Variants in DOP1B observed in about 807,000 individuals in gnomAD.
DOP1B encodes protein DOP1B.
A neutral mutation model predicts 233.5 loss-of-function variants in DOP1B; 174 were observed. The ratio of observed to expected loss-of-function variants is 0.75; its 90% CI spans 0.66 to 0.85. The LOEUF (loss-of-function observed/expected upper bound fraction) is 0.85, where lower values mean the gene tolerates loss of function less well. Ranked by LOEUF, DOP1B falls within the 40% of genes least tolerant of loss-of-function variation. DOP1B has a pLI of 0.00. For synonymous variants in DOP1B, 1,190 were observed against 1,185.6 expected, an observed-to-expected ratio of 1.00 and a Z score of -0.08; for missense variants, 2,652 against 2,846.6, an observed-to-expected ratio of 0.93 and a Z score of 1.56.
intron 33 of DOP1B, 119 bp downstream of exon 33, chr21:36,288,269 G>A: frequency 9.8e-7 from 1 of 1,017,724 alleles, no homozygotes; most frequent in South Asian, 1.7e-5. Context: ...TTTTAATCAG[G>A]TTGGTAGCAC....
At chr21:36,235,578 A>G (rs1387605968) in intron 15 of DOP1B, among the ~76,000 whole-genome samples, 1 of 151,900 alleles carries the variant, frequency 6.6e-6, no homozygotes, top group Non-Finnish European at 1.5e-5. Context: ...AAATACAAAA[A>G]TTAACCTGGC....
At chr21:36,241,693 C>CTTTTTTTTT (rs58454212) in intron 18 of DOP1B, among the ~76,000 whole-genome samples, 242 of 105,498 alleles carry the variant, frequency 2.3e-3, no homozygotes, top group Non-Finnish European at 2.8e-3. Context: ...TTCTTTCTTT[C>CTTTTTTTTT]TTTTTTTTTT....
chr21:36,238,746 C>G (rs1365333779), intron 17 of DOP1B, 45 bp downstream of exon 17: 1 of 1,595,010 alleles, frequency 6.3e-7, no homozygotes, highest in Non-Finnish European at 8.6e-7. Context: ...CACGAGGAAA[C>G]TCCACAGAGG....
chr21:36,203,031 A>C (rs1195846616), intron 4 of DOP1B, among the ~76,000 whole-genome samples: 1 of 152,218 alleles, frequency 6.6e-6, no homozygotes, highest in Non-Finnish European at 1.5e-5. Context: ...GATCTTTTAA[A>C]TCTGTGTGAA....
intron 27 of DOP1B, among the ~76,000 whole-genome samples, chr21:36,272,984 C>CAAAA (rs1167312513): frequency 1.4e-4 from 8 of 56,926 alleles, no homozygotes; most frequent in Admixed American, 2.5e-4. Flanking sequence ...AACTCCATCT[C>CAAAA]AAAAAAAAAA....
chr21:36,165,802 A>C (rs1601373253), intron 2 of DOP1B, among the ~76,000 whole-genome samples: 1 of 142,292 alleles, frequency 7.0e-6, no homozygotes, highest in Non-Finnish European at 1.5e-5. Flanking sequence ...TGCAACCTCC[A>C]CCTCCCAGGT....
intron 24 of DOP1B, 103 bp downstream of exon 24, chr21:36,260,835 C>A (rs935368909): frequency 9.0e-6 from 14 of 1,560,180 alleles, no homozygotes; most frequent in Non-Finnish European, 1.2e-5. Context: ...TACTAGAGAG[C>A]CATTGTTCAG....
At chr21:36,249,642 A>G (rs2067010602) in intron 21 of DOP1B, among the ~76,000 whole-genome samples, 1 of 118,826 alleles carries the variant, frequency 8.4e-6, no homozygotes, top group African/African-American at 3.2e-5. Context: ...GTGAATATTT[A>G]TATTATAGTT....
chr21:36,273,223 A>G (rs1387704591), intron 27 of DOP1B, among the ~76,000 whole-genome samples: 1 of 151,960 alleles, frequency 6.6e-6, no homozygotes, highest in Admixed American at 6.6e-5. Context: ...CCTGGCCAGC[A>G]TGATGAAACC....
At chr21:36,269,155 T>G (rs1373533783) in intron 26 of DOP1B, among the ~76,000 whole-genome samples, 1 of 152,164 alleles carries the variant, frequency 6.6e-6, no homozygotes, top group Non-Finnish European at 1.5e-5. Flanking sequence ...TAATAGGTTG[T>G]TTTTGTTTTT....
chr21:36,173,914 T>A (rs1276233178), intron 2 of DOP1B, among the ~76,000 whole-genome samples: 3 of 152,110 alleles, frequency 2.0e-5, no homozygotes, highest in African/African-American at 7.2e-5. Flanking sequence ...CAGTTTTTTT[T>A]GTTTTTTGTT....
chr21:36,200,598 C>T, intron 4 of DOP1B, 97 bp downstream of exon 4: 1 of 1,415,960 alleles, frequency 7.1e-7, no homozygotes, highest in Non-Finnish European at 9.3e-7. Context: ...AATCCCAGCA[C>T]TTTGGAAGGC....
At chr21:36,221,353 G>A (rs2066620311) in intron 10 of DOP1B, among the ~76,000 whole-genome samples, 1 of 151,720 alleles carries the variant, frequency 6.6e-6, no homozygotes, top group African/African-American at 2.4e-5. Flanking sequence ...AGGTTAGCCG[G>A]GTGTGGTGGG....
chr21:36,164,681 T>G, intron 1 of DOP1B, 27 bp from the exon 2 acceptor site: 1 of 1,502,930 alleles, frequency 6.7e-7, no homozygotes, highest in Non-Finnish European at 8.9e-7. Flanking sequence ...GGCTCTCTCA[T>G]TTGGTTATTT....
chr21:36,165,983 C>T (rs570088634), intron 2 of DOP1B, among the ~76,000 whole-genome samples: 1 of 150,522 alleles, frequency 6.6e-6, no homozygotes, highest in Non-Finnish European at 1.5e-5. Flanking sequence ...TCCCAAAGTG[C>T]TGGGGTCACA....
intron 1 of DOP1B, among the ~76,000 whole-genome samples, chr21:36,163,492 G>A (rs1000106536): frequency 2.0e-5 from 3 of 152,116 alleles, no homozygotes; most frequent in Admixed American, 6.6e-5. Flanking sequence ...CTTAAAGAAC[G>A]TGTTGTACCT....
chr21:36,262,623 C>T (rs931377868), intron 24 of DOP1B, among the ~76,000 whole-genome samples: 6 of 152,122 alleles, frequency 3.9e-5, no homozygotes, highest in Non-Finnish European at 5.9e-5. Context: ...CACGGTGGCT[C>T]ACGCTTGTAA....
chr21:36,224,670 G>A (rs1368697870), intron 11 of DOP1B, among the ~76,000 whole-genome samples: 1 of 150,552 alleles, frequency 6.6e-6, no homozygotes, highest in Non-Finnish European at 1.5e-5. Flanking sequence ...ATTCATCCCA[G>A]GGTTATGAGA....
At chr21:36,158,154 A>G (rs896438273) in intron 1 of DOP1B, among the ~76,000 whole-genome samples, 2 of 152,112 alleles carry the variant, frequency 1.3e-5, no homozygotes, top group African/African-American at 4.8e-5. Flanking sequence ...TTTCTTGCTG[A>G]CATTTTCGAT....
Sources: gnomAD v4.1 joint callset for allele counts (sites outside exome capture counted in the v4.1 genomes callset) on GRCh38, gnomAD v4.1.1 for gene constraint, MANE v1.5 for transcripts, NCBI Gene and HGNC (gene_info 2026-07-23, HGNC 2026-07-21) for gene names.